Variants in PDE11A observed in about 807,000 individuals in gnomAD.
PDE11A encodes phosphodiesterase 11A, also known as dual 3',5'-cyclic-AMP and -GMP phosphodiesterase 11A.
PDE11A carries 100 observed loss-of-function variants against 100.5 expected under a neutral mutation model. The observed-to-expected ratio is 1.00, with a 90% CI of 0.85 to 1.18. PDE11A has a LOEUF of 1.18. Among genes scored for constraint, PDE11A ranks in the 50% most tolerant of loss-of-function variants. The pLI is 0.00. For missense variants in PDE11A, 1,141 were observed against 1,152.6 expected (o/e 0.99, Z 0.15); for synonymous variants, 381 against 420.8 (o/e 0.91, Z 1.16).
chr2:177,865,667 C>T (rs1242643615), intron 5 of PDE11A, among the ~76,000 whole-genome samples: 2 of 151,902 alleles, frequency 1.3e-5, no homozygotes, highest in Non-Finnish European at 2.9e-5. Context: ...ATTATTCATC[C>T]ATAAAAAAGA....
intron 1 of PDE11A, among the ~76,000 whole-genome samples, chr2:178,052,932 G>C (rs1413608811): frequency 1.3e-5 from 2 of 152,130 alleles, no homozygotes; most frequent in Non-Finnish European, 2.9e-5. Context: ...TTCTACCAGA[G>C]GTACAAAGAG....
intron 2 of PDE11A, among the ~76,000 whole-genome samples, chr2:178,079,652 C>T (rs1450269820): frequency 2.0e-5 from 3 of 152,164 alleles, no homozygotes; most frequent in African/African-American, 7.2e-5. Context: ...TGAGTATATA[C>T]CCAGTAATGG....
chr2:177,793,864 G>T (rs538343740), intron 9 of PDE11A, among the ~76,000 whole-genome samples: 3 of 152,308 alleles, frequency 2.0e-5, no homozygotes, highest in South Asian at 4.1e-4. Flanking sequence ...ATCTGAAGCT[G>T]CAGATAGTGA....
chr2:177,754,429 G>T (rs970912687), intron 10 of PDE11A, among the ~76,000 whole-genome samples: 1 of 152,244 alleles, frequency 6.6e-6, no homozygotes, highest in Admixed American at 6.5e-5. Context: ...CTGATGAGCA[G>T]TTCTTCCTGT....
intron 13 of PDE11A, among the ~76,000 whole-genome samples, chr2:177,709,874 A>T (rs376968859): frequency 6.6e-6 from 1 of 152,182 alleles, no homozygotes; most frequent in African/African-American, 2.4e-5. Context: ...CACGGGTGTC[A>T]TTCCTGAGGT....
chr2:177,909,760 T>C (rs61339042), intron 2 of PDE11A, among the ~76,000 whole-genome samples: 1,693 of 151,158 alleles, frequency 0.011, 31 homozygotes, highest in African/African-American at 0.039. Flanking sequence ...TCCTTTAGAG[T>C]ATCTTTTAGC....
intron 1 of PDE11A, among the ~76,000 whole-genome samples, chr2:178,021,107 AT>A (rs1350369880): frequency 2.0e-5 from 3 of 151,992 alleles, no homozygotes; most frequent in African/African-American, 7.2e-5. Flanking sequence ...GATTACAGGC[AT>A]GTGCCACCAC....
intron 1 of PDE11A, among the ~76,000 whole-genome samples, chr2:178,058,095 A>ATC (rs1215206746): frequency 6.6e-6 from 1 of 152,004 alleles, no homozygotes; most frequent in Non-Finnish European, 1.5e-5. Context: ...TGAACTCATG[A>ATC]TCTACCCACC....
intron 14 of PDE11A, among the ~76,000 whole-genome samples, chr2:177,700,506 T>C (rs1172363098): frequency 6.6e-6 from 1 of 152,020 alleles, no homozygotes; most frequent in African/African-American, 2.4e-5. Context: ...GTGGTTTCTG[T>C]TTTTCTCTGT....
intron 10 of PDE11A, among the ~76,000 whole-genome samples, chr2:177,758,039 G>A (rs1184838945): frequency 6.6e-6 from 1 of 151,736 alleles, no homozygotes; most frequent in East Asian, 1.9e-4. Flanking sequence ...CTGTAATCCT[G>A]TAATCCCAGC....
chr2:177,968,995 A>G (rs942632432), intron 2 of PDE11A, among the ~76,000 whole-genome samples: 2 of 152,266 alleles, frequency 1.3e-5, no homozygotes, highest in African/African-American at 2.4e-5. Flanking sequence ...ACTATTAACA[A>G]TAGCAAAGAC....
chr2:177,728,107 G>C lies in PDE11A; in HGVS notation c.1854C>G (p.Leu618=), dbSNP rs139784666. 1 of 1,612,152 alleles carries C rather than the reference G, an allele frequency of 6.2e-7. No homozygotes were observed. Among genetic ancestry groups the C allele is most frequent in the Non-Finnish European group, 8.5e-7 (1 of 1,178,444 alleles). Residue 618 remains leucine (L), a synonymous_variant, in exon 11 of 20, where the codon CTC becomes CTG. Coordinates refer to ENST00000286063, the MANE Select transcript of PDE11A (RefSeq NM_016953.4). ...CAGCTGTGATCATGGCATCAACGTC[G>C]AGAGAAAAGTCATCAAAATGAATGT... ...IDDIHFDDFS[L]DVDAMITAAL...
At chr2:178,019,994 A>G (rs562117778) in intron 1 of PDE11A, among the ~76,000 whole-genome samples, 2 of 152,370 alleles carry the variant, frequency 1.3e-5, no homozygotes, top group African/African-American at 4.8e-5. Flanking sequence ...TGAGAAAGTC[A>G]TCACATATGG....
chr2:177,948,750 A>G (rs2085473404), intron 2 of PDE11A, among the ~76,000 whole-genome samples: 1 of 152,150 alleles, frequency 6.6e-6, no homozygotes, highest in South Asian at 2.1e-4. Context: ...CAAAAAATAA[A>G]ATTCAAACAC....
At chr2:177,929,890 C>G (rs1396513700) in intron 2 of PDE11A, among the ~76,000 whole-genome samples, 1 of 152,126 alleles carries the variant, frequency 6.6e-6, no homozygotes, top group African/African-American at 2.4e-5. Context: ...ATAATCCTAC[C>G]ATTGTATAAG....
intron 2 of PDE11A, among the ~76,000 whole-genome samples, chr2:178,006,848 T>G (rs2086218986): frequency 6.6e-6 from 1 of 151,878 alleles, no homozygotes; most frequent in South Asian, 2.1e-4. Context: ...GCCAATGCAT[T>G]CCAACCAAAG....
Position 177,663,975 on chromosome 2 carries a change from C to T in PDE11A, c.2563-26G>A, listed in dbSNP as rs13025391. 0.86 allele frequency: 1,269,005 copies of T among 1,477,516 alleles called. 546,643 individuals carry two copies. Among genetic ancestry groups the T allele is most frequent in the East Asian group, 0.99 (43,662 of 44,272 alleles). 91.5% of individuals were successfully genotyped at this position (1,477,516 alleles called of 1,614,324 possible). ...CTAGAATGGGGGGCAGGAAGAACCT[C>T]GCTTTATTACACCAAAGTATTTTAC... is the stretch of plus-strand genomic sequence containing the variant. On this transcript the variant is annotated intron_variant, in intron 18 of 19. Transcript: ENST00000286063.
chr2:177,665,416 G>A (rs1428238941), intron 18 of PDE11A, among the ~76,000 whole-genome samples: 1 of 151,050 alleles, frequency 6.6e-6, no homozygotes, highest in African/African-American at 2.4e-5. Context: ...AGATGTCGAG[G>A]CTGTATTGAG....
chr2:177,643,391 T>C (rs1420933223), intron 19 of PDE11A, among the ~76,000 whole-genome samples: 1 of 152,144 alleles, frequency 6.6e-6, no homozygotes, highest in Non-Finnish European at 1.5e-5. Context: ...TGACTCTTGT[T>C]ATGTTTTAGC....
Sources: gnomAD v4.1 joint callset for allele counts (sites outside exome capture counted in the v4.1 genomes callset) on GRCh38, gnomAD v4.1.1 for gene constraint, MANE v1.5 for transcripts, NCBI Gene and HGNC (gene_info 2026-07-23, HGNC 2026-07-21) for gene names.